TRPC5: variants seen among roughly 807,000 people sequenced by gnomAD.
The protein encoded by TRPC5 is transient receptor potential cation channel subfamily C member 5.
A neutral mutation model predicts 56.5 loss-of-function variants in TRPC5; 9 were observed. That is an observed-to-expected ratio of 0.16 (90% CI 0.10 to 0.28). The LOEUF is 0.28. Among genes scored for constraint, TRPC5 ranks in the 10% least tolerant of loss-of-function variants. The probability of loss-of-function intolerance (pLI) is 1.00; values close to 1 mark genes in which losing one functional copy is unlikely to be tolerated. For missense variants in TRPC5, 469 were observed against 748.9 expected (o/e 0.63, Z 4.36); for synonymous variants, 282 against 278.5 (o/e 1.01, Z -0.13).
intron 1 of TRPC5, among the ~76,000 whole-genome samples, chrX:112,026,485 A>C (rs1929414937): frequency 8.9e-6 from 1 of 112,105 alleles, no homozygotes; most frequent in Admixed American, 9.5e-5. Flanking sequence ...AAATAAGATA[A>C]AGTAAAAGTT....
intron 1 of TRPC5, among the ~76,000 whole-genome samples, chrX:112,016,836 C>G (rs1403105668): frequency 2.7e-5 from 3 of 111,646 alleles, no homozygotes; most frequent in Non-Finnish European, 1.9e-5. Flanking sequence ...GATGAAATCA[C>G]TTCACTACTC....
chrX:112,039,496 T>A (rs371824644), intron 1 of TRPC5, among the ~76,000 whole-genome samples: 1 of 112,096 alleles, frequency 8.9e-6, no homozygotes, highest in East Asian at 2.8e-4. Context: ...TTTGGTCATA[T>A]CCCTAGGTTT....
intron 2 of TRPC5, chrX:111,931,160 G>T (rs1926403956): frequency 9.0e-6 from 1 of 111,588 alleles, no homozygotes; most frequent in South Asian, 3.8e-4. Context: ...AAAAAAAAAA[G>T]TCTTTGTGTA....
chrX:111,784,132 AC>A (rs1016074129), intron 7 of TRPC5, among the ~76,000 whole-genome samples: 1 of 111,585 alleles, frequency 9.0e-6, no homozygotes, highest in African/African-American at 3.3e-5. Flanking sequence ...CCTACTTTAT[AC>A]CACGTACAAA....
At position 112,027,819 on chromosome X, in the gene TRPC5, C is replaced by T. The variant is rs750829109; in HGVS notation, c.-22+54060G>A. 3.6e-5 allele frequency among the ~76,000 whole-genome samples: 4 copies of T among 112,316 alleles called. No individual in the cohort carries two copies. In the Admixed American group the frequency reaches 3.8e-4, roughly 11 times the overall value. ...CCGAGTACCTCAAAGTTATTTCATA[C>T]TGCAGAGCCCATCATGTCTCAGAAT... On this transcript the variant is annotated intron_variant, in intron 1 of 10. Transcript: ENST00000262839.
chrX:111,913,618 C>T (rs779429031), intron 2 of TRPC5, among the ~76,000 whole-genome samples: 7 of 111,141 alleles, frequency 6.3e-5, no homozygotes, highest in Admixed American at 1.9e-4. Flanking sequence ...GGAGCACTTC[C>T]GGGTGAGTGT....
Position 111,906,566 on chromosome X carries a change from C to G in TRPC5, c.900+5725G>C, listed in dbSNP as rs775846226. Among the ~76,000 whole-genome samples the G allele has an allele frequency of 6.6e-4, 73 of 111,203 alleles. 1 individual carries two copies. The highest frequency in any genetic ancestry group is 2.2e-3 in the African/African-American group (67 of 30,666). ...ACCCCCAACTTCCAGCTTTGGAAAT[C>G]AGCTCTGTTGCAGCACATTTTATGA... On this transcript the variant is annotated intron_variant, in intron 3 of 10. Coordinates refer to ENST00000262839, the MANE Select transcript of TRPC5 (RefSeq NM_012471.3).
chrX:112,015,485 T>C (rs1929099388), intron 1 of TRPC5, among the ~76,000 whole-genome samples: 1 of 111,078 alleles, frequency 9.0e-6, no homozygotes, highest in African/African-American at 3.3e-5. Flanking sequence ...TCTCAAAACG[T>C]TGGGATTACA....
chrX:111,782,320 T>G (rs866403991), intron 7 of TRPC5, among the ~76,000 whole-genome samples, 182 bp from the exon 8 acceptor site: 4 of 112,098 alleles, frequency 3.6e-5, no homozygotes, highest in Admixed American at 9.5e-5. Flanking sequence ...ATCAATATAC[T>G]TACAAAAACA....
chrX:111,825,238 C>T (rs1922194605), intron 7 of TRPC5, among the ~76,000 whole-genome samples: 1 of 95,341 alleles, frequency 1.0e-5, no homozygotes, highest in African/African-American at 4.0e-5. Context: ...TTCTCTCTCT[C>T]TCTCTCTCTC....
chrX:111,804,604 T>G (rs1398588010), intron 7 of TRPC5, among the ~76,000 whole-genome samples: 14 of 111,331 alleles, frequency 1.3e-4, no homozygotes, highest in Non-Finnish European at 2.4e-4. Flanking sequence ...ATTTTATTCT[T>G]TTTGTAGCAA....
intron 2 of TRPC5, among the ~76,000 whole-genome samples, chrX:111,922,477 G>T (rs1414755642): frequency 8.9e-6 from 1 of 112,072 alleles, no homozygotes; most frequent in Admixed American, 9.5e-5. Flanking sequence ...AGCAGTCCAA[G>T]GAACGTGTGG....
intron 1 of TRPC5, among the ~76,000 whole-genome samples, chrX:111,996,707 T>C (rs1282196966): frequency 2.7e-5 from 3 of 112,345 alleles, no homozygotes; most frequent in Admixed American, 9.5e-5. Flanking sequence ...TAGCTCTTCC[T>C]GTTGAATTGA....
chrX:111,842,783 A>G (rs769502762), intron 6 of TRPC5, among the ~76,000 whole-genome samples: 53 of 110,327 alleles, frequency 4.8e-4, no homozygotes, highest in African/African-American at 1.7e-3. Flanking sequence ...ACAGGATGAG[A>G]GAGGTAGGAG....
intron 1 of TRPC5, among the ~76,000 whole-genome samples, chrX:112,038,081 A>G (rs1727590115): frequency 9.0e-6 from 1 of 111,652 alleles, no homozygotes; most frequent in Non-Finnish European, 1.9e-5. Flanking sequence ...AAAAGGGAGT[A>G]TGAGATGCAA....
At chrX:111,964,074 G>GA (rs1236670956) in intron 1 of TRPC5, among the ~76,000 whole-genome samples, 2 of 111,002 alleles carry the variant, frequency 1.8e-5, no homozygotes, top group African/African-American at 3.3e-5. Context: ...TAAGAACTTT[G>GA]AAAAAAAATT....
intron 3 of TRPC5, among the ~76,000 whole-genome samples, chrX:111,858,290 G>C (rs1349759304): frequency 9.0e-6 from 1 of 111,347 alleles, no homozygotes; most frequent in Non-Finnish European, 1.9e-5. Flanking sequence ...AAACTGCAGA[G>C]TGCGTACCCA....
chrX:112,000,089 A>C (rs1928658766), intron 1 of TRPC5, among the ~76,000 whole-genome samples: 1 of 112,472 alleles, frequency 8.9e-6, no homozygotes, highest in African/African-American at 3.2e-5. Flanking sequence ...GGACAAATTA[A>C]ATCTTAAAGA....
At chrX:111,984,960 G>A (rs1928175664) in intron 1 of TRPC5, among the ~76,000 whole-genome samples, 1 of 112,181 alleles carries the variant, frequency 8.9e-6, no homozygotes, top group Non-Finnish European at 1.9e-5. Flanking sequence ...AGCTGCAAGA[G>A]GTTTACAGTA....
Sources: gnomAD v4.1 joint callset for allele counts (sites outside exome capture counted in the v4.1 genomes callset) on GRCh38, gnomAD v4.1.1 for gene constraint, MANE v1.5 for transcripts, NCBI Gene and HGNC (gene_info 2026-07-23, HGNC 2026-07-21) for gene names.